The following EIF2D variants were observed in gnomAD, a reference collection of about 807,000 sequenced individuals.
EIF2D encodes the protein hepatocellular carcinoma-associated antigen 56.
Under a neutral mutation model 77.4 loss-of-function variants are expected in EIF2D, and 56 were observed. The ratio of observed to expected loss-of-function variants is 0.72; its 90% CI spans 0.58 to 0.90. The LOEUF is 0.90. Ranked by LOEUF, EIF2D falls within the 40% of genes least tolerant of loss-of-function variation. The pLI is 0.00. For synonymous variants in EIF2D, 230 were observed against 271.0 expected (o/e 0.85, Z 1.49); for missense variants, 574 against 706.5 (o/e 0.81, Z 2.13).
At chr1:206,575,072 C>T (rs1553404948) in intron 4 of EIF2D, among the ~76,000 whole-genome samples, 1 of 151,594 alleles carries the variant, frequency 6.6e-6, no homozygotes, top group African/African-American at 2.4e-5. Flanking sequence ...CATTATGTTG[C>T]CCAGGCTGGT....
At chr1:206,587,347 C>T (rs1327887200), downstream of EIF2D, 4 of 327,004 alleles carry the variant, frequency 1.2e-5, no homozygotes, top group South Asian at 2.5e-5. Context: ...TGTGTTCTTT[C>T]TCTGGCATTG....
intron 1 of EIF2D, among the ~76,000 whole-genome samples, chr1:206,611,975 T>C (rs1553414119): frequency 6.6e-6 from 1 of 152,228 alleles, no homozygotes; most frequent in East Asian, 1.9e-4. Context: ...TTAAGCTCTT[T>C]GGAGGGCAAG....
In EIF2D at chr1:206,579,700, A is replaced by T. The variant is rs1003065335; in HGVS notation, c.*254+992T>A. ...CATGCCCAGACTGCACCCCAGACCA[A>T]TTAAATCAGAATCTCCAGGGATGAA... On this transcript the variant is annotated intron_variant and NMD_transcript_variant, in intron 4 of 5. Transcript: ENST00000472709. The surrounding 1 kb of genome is among the most constrained non-coding windows in gnomAD (Gnocchi z 4.2). 1.2e-4 allele frequency among the ~76,000 whole-genome samples: 18 copies of T among 152,202 alleles called. No individual in the cohort carries two copies. Among genetic ancestry groups the T allele is most frequent in the Admixed American group, 5.2e-4 (8 of 15,278 alleles).
downstream of EIF2D, chr1:206,587,278 G>A (rs941617420): frequency 1.1e-5 from 4 of 375,708 alleles, 1 homozygote; most frequent in South Asian, 4.5e-5. Context: ...TGCCTCTCTC[G>A]TCACCAAACT....
intron 4 of EIF2D, among the ~76,000 whole-genome samples, chr1:206,607,190 C>T (rs564251382): frequency 6.6e-6 from 1 of 151,402 alleles, no homozygotes; most frequent in Admixed American, 6.6e-5. Flanking sequence ...TTTAAATGTC[C>T]GCATAAAAAT....
At chr1:206,576,224 T>A (rs538375979) in intron 4 of EIF2D, among the ~76,000 whole-genome samples, 1 of 152,348 alleles carries the variant, frequency 6.6e-6, no homozygotes, top group South Asian at 2.1e-4. Flanking sequence ...CTCTATAGGC[T>A]CTTGCAGTAT....
In EIF2D at chr1:206,592,631, G is replaced by A. The variant is rs1553409135; in HGVS notation, c.1685-786C>T. Among the ~76,000 whole-genome samples the A allele has an allele frequency of 1.3e-5, 2 of 152,230 alleles. No individual in the cohort carries two copies. Among genetic ancestry groups the A allele is most frequent in the African/African-American group, 2.4e-5 (1 of 41,462 alleles). On this transcript the variant is annotated intron_variant, in intron 14 of 14. Transcript: ENST00000271764. The surrounding 1 kb of genome is among the most constrained non-coding windows in gnomAD (Gnocchi z 4.7). Reference sequence around the variant, plus strand: ...GGAAGGCTGGGGTCAGGCTGGGAGGGTCTTGTTTATTGAGCTTAGGAGTTA... The same window carrying A: ...GGAAGGCTGGGGTCAGGCTGGGAGGATCTTGTTTATTGAGCTTAGGAGTTA...
At chr1:206,591,961 G>A in intron 14 of EIF2D, 116 bp from the exon 15 acceptor site, 3 of 966,270 alleles carry the variant, frequency 3.1e-6, no homozygotes, top group Non-Finnish European at 5.0e-6. Flanking sequence ...CTCAACTTCG[G>A]GACTGACCAC....
At chr1:206,572,243 T>C (rs1668476731) in intron 5 of EIF2D, among the ~76,000 whole-genome samples, 1 of 152,158 alleles carries the variant, frequency 6.6e-6, no homozygotes, top group South Asian at 2.1e-4. Flanking sequence ...AATGAACCCC[T>C]ATTGTGTGCC....
intron 5 of EIF2D, 162 bp downstream of exon 5, chr1:206,605,238 G>GA (rs1290151069): frequency 2.3e-5 from 12 of 517,484 alleles, no homozygotes; most frequent in African/African-American, 1.7e-4. Flanking sequence ...CCAAACAGGG[G>GA]AAAAAAATAT....
chr1:206,602,882 G>A, intron 6 of EIF2D, 69 bp downstream of exon 6: 5 of 1,577,658 alleles, frequency 3.2e-6, no homozygotes, highest in Non-Finnish European at 4.3e-6. Flanking sequence ...AGTCAGCAGT[G>A]GAGTGGAGTT....
Position 206,603,166 on chromosome 1 carries a change from G to A in EIF2D, c.569C>T (p.Pro190Leu), listed in dbSNP as rs782359371. Reference protein sequence around the residue: ...GNKSSPPSIAPLALDSADLSE... With the variant: ...GNKSSPPSIALLALDSADLSE... ...GAGATCTGCTGAATCCAGGGCCAGT[G>A]GAGCAATGGAAGGTGGAGAGGACTT... Residue 190 changes from proline (P) to leucine (L), a missense_variant, in exon 6 of 15, where the codon CCA becomes CTA. Coordinates refer to ENST00000271764, the MANE Select transcript of EIF2D (RefSeq NM_006893.3). The A allele has an allele frequency of 1.2e-6, 2 of 1,614,112 alleles. No individual in the cohort carries two copies. The highest frequency in any genetic ancestry group is 1.7e-6 in the Non-Finnish European group (2 of 1,180,022).
downstream of EIF2D, among the ~76,000 whole-genome samples, chr1:206,590,356 C>T (rs1553408725): frequency 6.6e-6 from 1 of 152,232 alleles, no homozygotes; most frequent in Non-Finnish European, 1.5e-5. Context: ...CAAGGCGGGA[C>T]ATGACCTTTC....
At position 206,584,516 on chromosome 1, in the gene EIF2D, A is replaced by G; in HGVS notation, c.139-3354T>C. The G allele has an allele frequency of 1.2e-6, 2 of 1,614,108 alleles. No homozygotes were observed. The highest frequency in any genetic ancestry group is 4.5e-5 in the East Asian group (2 of 44,884). On this transcript the variant is annotated intron_variant and NMD_transcript_variant, in intron 2 of 5. Coordinates refer to the EIF2D transcript ENST00000472709. This position sits in a 1 kb window ranked among gnomAD's most constrained non-coding sequence, Gnocchi z 4.9. ...CAAGGAGGTGAACCTGGCGGCTACC[A>G]CGGACAAGCGGACATCCTTCTACCT...
Position 206,592,587 on chromosome 1 carries a change from G to A in EIF2D, c.1685-742C>T, listed in dbSNP as rs574931533. 2.6e-4 allele frequency among the ~76,000 whole-genome samples: 40 copies of A among 152,344 alleles called. No individual in the cohort carries two copies. The East Asian group carries it at 3.7e-3, about 14-fold the overall frequency. On this transcript the variant is annotated intron_variant, in intron 14 of 14. Transcript: ENST00000271764. The surrounding 1 kb of genome is among the most constrained non-coding windows in gnomAD (Gnocchi z 4.7). ...TGCCTGCAACATGGGTGTAGGAGCT[G>A]CCAGAGAGAGCCTGGCAGGGAAGGC...
At chr1:206,611,475 A>C in intron 1 of EIF2D, 101 bp from the exon 2 acceptor site, 2 of 924,658 alleles carry the variant, frequency 2.2e-6, no homozygotes, top group South Asian at 3.6e-5. Flanking sequence ...ACAAGGGCCA[A>C]AGAAAGATTG....
At chr1:206,598,143 TCCTCCCACCTCAA>T (rs1669740329) in intron 11 of EIF2D, among the ~76,000 whole-genome samples, 1 of 151,860 alleles carries the variant, frequency 6.6e-6, no homozygotes, top group Non-Finnish European at 1.5e-5. Context: ...GCTCAAGCGA[TCCTCCCACCTCAA>T]CCTCCCAAGT....
chr1:206,576,703 T>C (rs1258593685), intron 4 of EIF2D, among the ~76,000 whole-genome samples: 1 of 152,140 alleles, frequency 6.6e-6, no homozygotes, highest in African/African-American at 2.4e-5. Context: ...GGAAACTACA[T>C]AGAGAAGGTG....
intron 4 of EIF2D, chr1:206,580,610 G>A (rs1668833953): frequency 6.6e-6 from 1 of 152,240 alleles, no homozygotes; most frequent in Non-Finnish European, 1.5e-5. Context: ...GAAAATGAGA[G>A]GCTTCACTGT....
Sources: gnomAD v4.1 joint callset for allele counts (sites outside exome capture counted in the v4.1 genomes callset) on GRCh38, gnomAD v4.1.1 for gene constraint, Gnocchi (gnomAD v3.1) non-coding constraint, MANE v1.5 for transcripts, NCBI Gene and HGNC (gene_info 2026-07-23, HGNC 2026-07-21) for gene names.